Variants in AGO4 observed in about 807,000 individuals in gnomAD.
AGO4 encodes protein argonaute-4.
A neutral mutation model predicts 104.7 loss-of-function variants in AGO4; 33 were observed. The ratio of observed to expected loss-of-function variants is 0.32; its 90% confidence interval spans 0.24 to 0.42. The LOEUF is 0.42. Ranked by LOEUF, AGO4 falls within the 10% of genes least tolerant of loss-of-function variation. The pLI is 1.00. For missense variants in AGO4, 711 were observed against 1,083.4 expected, an observed-to-expected ratio of 0.66 and a Z score of 4.83; for synonymous variants, 331 against 364.7, an observed-to-expected ratio of 0.91 and a Z score of 1.05.
Position 35,857,501 on chromosome 1 carries a change from A to G in AGO4, c.*3896A>G, listed in dbSNP as rs1644840871. ...ATTTTATTAAATTTGGACTGGATGT[A>G]TGTCTCTAGCAATACGAGGTACTTT... On this transcript the variant is annotated 3_prime_UTR_variant, in exon 18 of 18. Transcript: ENST00000373210. 1 of 152,208 alleles carries G rather than the reference A, an allele frequency of 6.6e-6. No homozygotes were observed. Among genetic ancestry groups the G allele is most frequent in the African/African-American group, 2.4e-5 (1 of 41,450 alleles). 9.4% of individuals were successfully genotyped at this position (152,208 alleles called of 1,614,324 possible). A position where few individuals can be genotyped will look rare whatever the true frequency, so the allele number is the denominator to read the frequency against.
At chr1:35,851,337 A>G in intron 17 of AGO4, 1 of 434,124 alleles carries the variant, frequency 2.3e-6, no homozygotes, top group Non-Finnish European at 4.2e-6. Context: ...GGTCCTAAGT[A>G]GCCTCAAAAA....
At position 35,852,158 on chromosome 1, in the gene AGO4, G is replaced by A. The variant is rs745981780; in HGVS notation, c.2477+1105G>A. The stretch of plus-strand genomic sequence containing the variant: ...GAGGATATTAAAGGGGAACAAGCAG[G>A]TATGAGGCTGGAAAAATATGTTAAA... On this transcript the variant is annotated intron_variant, in intron 17 of 17. Transcript: ENST00000373210. Among the ~76,000 whole-genome samples the A allele has an allele frequency of 2.0e-5, 3 of 152,288 alleles. No homozygotes were observed. In the South Asian group the frequency reaches 6.2e-4, roughly 32 times the overall value.
In AGO4 at chr1:35,835,965, A is replaced by G. The variant is rs530304440; in HGVS notation, c.1696A>G (p.Ile566Val). The change falls in exon 13 of 18, where the codon ATT becomes GTT. Residue 566 changes from isoleucine to valine, a missense_variant. Ile to Val is a conservative substitution (Grantham distance 29). Coordinates refer to ENST00000373210, the MANE Select transcript of AGO4 (RefSeq NM_017629.4). ...CLKINAKLGG[I>V]NNVLVPHQRP... ...GAAGATAAATGCAAAACTTGGAGGAATTAACAATGTGCTTGTGCCTCATCA... is the reference window on the plus strand; with the variant it reads ...GAAGATAAATGCAAAACTTGGAGGAGTTAACAATGTGCTTGTGCCTCATCA... The G allele has an allele frequency of 6.2e-7, 1 of 1,614,014 alleles. No homozygotes were observed. Among genetic ancestry groups the G allele is most frequent in the Admixed American group, 1.7e-5 (1 of 60,000 alleles).
chr1:35,822,357 G>A (rs998714094), intron 2 of AGO4, among the ~76,000 whole-genome samples: 1 of 152,118 alleles, frequency 6.6e-6, no homozygotes, highest in African/African-American at 2.4e-5. Context: ...CCAGGTTCAA[G>A]CGATTCACCT....
At chr1:35,833,076 C>G (rs750088028) in intron 11 of AGO4, among the ~76,000 whole-genome samples, 2 of 152,040 alleles carry the variant, frequency 1.3e-5, no homozygotes, top group Admixed American at 1.3e-4. Context: ...GTCAGGAGAT[C>G]GAGATCATCC....
chr1:35,850,472 G>A (rs774668522), intron 16 of AGO4, among the ~76,000 whole-genome samples: 5 of 151,848 alleles, frequency 3.3e-5, no homozygotes, highest in Non-Finnish European at 2.9e-5. Context: ...TTCTCTTCTC[G>A]TGTCATGTCA....
intron 15 of AGO4, among the ~76,000 whole-genome samples, chr1:35,845,614 A>G (rs1179727627): frequency 1.3e-5 from 2 of 152,000 alleles, no homozygotes; most frequent in East Asian, 3.9e-4. Context: ...AGCCCTCTCT[A>G]TAGTGTCATC....
At chr1:35,843,011 T>A (rs1644481922) in intron 15 of AGO4, among the ~76,000 whole-genome samples, 1 of 152,158 alleles carries the variant, frequency 6.6e-6, no homozygotes, top group Non-Finnish European at 1.5e-5. Flanking sequence ...GCCACTCCCA[T>A]TATTTTCAAG....
In AGO4 at chr1:35,850,930, C is replaced by T. The variant is rs760865797; in HGVS notation, c.2354C>T (p.Thr785Ile). 4 of 1,613,948 alleles carry T rather than the reference C, an allele frequency of 2.5e-6. No homozygotes were observed. The highest frequency in any genetic ancestry group is 3.4e-6 in the Non-Finnish European group (4 of 1,180,018). ...ACTGCAGATGAACTCCAGCTACTGA[C>T]TTACCAGCTGTGTCACACCTATGTG... ...CFTADELQLL[T>I]YQLCHTYVRC... The change falls in exon 17 of 18, where the codon ACT becomes ATT. Residue 785 changes from threonine (T) to isoleucine (I), a missense_variant. Thr to Ile is a moderately conservative substitution (Grantham distance 89). Around this residue, in one of 3 missense-constraint regions of AGO4, gnomAD observed 401 missense variants for 665.5 expected, o/e 0.60. Transcript: ENST00000373210.
In AGO4 at chr1:35,813,968, G is replaced by T. The variant is rs377433358; in HGVS notation, c.20-2914G>T. ...CGGGTGCCTGTAATTCCAGCTACTT[G>T]GGAGGCTGAGGCAGGAGAATCTCTT... is the stretch of plus-strand genomic sequence containing the variant. On this transcript the variant is annotated intron_variant, in intron 1 of 17. Coordinates refer to ENST00000373210, the MANE Select transcript of AGO4 (RefSeq NM_017629.4). Among the ~76,000 whole-genome samples the T allele has an allele frequency of 4.8e-4, 73 of 151,620 alleles. No homozygotes were observed. In the East Asian group the frequency reaches 0.013, roughly 28 times the overall value.
intron 2 of AGO4, among the ~76,000 whole-genome samples, chr1:35,818,749 G>C (rs182274045): frequency 9.1e-4 from 138 of 152,150 alleles, no homozygotes; most frequent in Non-Finnish European, 1.5e-3. Flanking sequence ...GTGAGTGAGT[G>C]GGGGAGAGTG....
chr1:35,850,474 G>A (rs1347491194), intron 16 of AGO4, among the ~76,000 whole-genome samples: 1 of 151,970 alleles, frequency 6.6e-6, no homozygotes, highest in Non-Finnish European at 1.5e-5. Flanking sequence ...CTCTTCTCGT[G>A]TCATGTCAGA....
rs748217193 is a variant in AGO4 at position 35,841,024 on chromosome 1, G to A, written c.1725-141G>A. On this transcript the variant is annotated intron_variant, in intron 13 of 17. Transcript: ENST00000373210. This position sits in a 1 kb window ranked among gnomAD's most constrained non-coding sequence, Gnocchi z 4.7. ...GGGTGACATCAATATTCAGTGGTCC[G>A]TAGTGTTCTTTCCCAATGGGCTTAA... is the stretch of plus-strand genomic sequence containing the variant. 35 of 824,652 alleles carry A rather than the reference G, an allele frequency of 4.2e-5. 1 individual carries two copies. The highest frequency in any genetic ancestry group is 5.4e-5 in the East Asian group (2 of 37,344). The allele number at this position is 824,652 out of a possible 1,614,324, so 51.1% of individuals were successfully genotyped here.
At chr1:35,833,879 C>A in intron 11 of AGO4, 111 bp from the exon 12 acceptor site, 2 of 972,748 alleles carry the variant, frequency 2.1e-6, no homozygotes, top group Non-Finnish European at 2.8e-6. Flanking sequence ...TTACTTGTTT[C>A]TAAATTTGGC....
chr1:35,816,727 AG>A (rs1557550335), intron 1 of AGO4, among the ~76,000 whole-genome samples, 154 bp from the exon 2 acceptor site: 1 of 150,062 alleles, frequency 6.7e-6, no homozygotes, highest in Non-Finnish European at 1.5e-5. Context: ...TGGAACTGGA[AG>A]GCAGAGGTTG....
chr1:35,823,540 C>T (rs1420474862), intron 3 of AGO4, among the ~76,000 whole-genome samples: 1 of 152,198 alleles, frequency 6.6e-6, no homozygotes, highest in Non-Finnish European at 1.5e-5. Flanking sequence ...ATTCTCCGGC[C>T]TCAGCTTCCC....
chr1:35,811,789 G>A (rs1021845119), intron 1 of AGO4, among the ~76,000 whole-genome samples: 7 of 151,894 alleles, frequency 4.6e-5, no homozygotes, highest in Admixed American at 2.6e-4. Flanking sequence ...TAGTAGAGAC[G>A]GGGTTTCACC....
chr1:35,850,791 A>AC lies in AGO4; in HGVS notation c.2278-63_2278-62insC, dbSNP rs1571314499. On this transcript the variant is annotated intron_variant, in intron 16 of 17. Transcript: ENST00000373210. ...GTGAGACTCCATCTCAAAAAAAAAAAAAAAAAAACAAAAACAAAAAACGAA... is the reference window on the plus strand; with the variant it reads ...GTGAGACTCCATCTCAAAAAAAAAAACAAAAAAAACAAAAACAAAAAACGAA... 2.2e-5 allele frequency: 22 copies of AC among 1,008,398 alleles called. No individual in the cohort carries two copies. The East Asian group carries it at 5.6e-4, about 26-fold the overall frequency. 62.5% of individuals were successfully genotyped at this position (1,008,398 alleles called of 1,614,324 possible). A position where few individuals can be genotyped will look rare whatever the true frequency, so the allele number is the denominator to read the frequency against.
At chr1:35,809,833 A>G (rs759950536) in intron 1 of AGO4, among the ~76,000 whole-genome samples, 1 of 152,248 alleles carries the variant, frequency 6.6e-6, no homozygotes, top group Non-Finnish European at 1.5e-5. Flanking sequence ...AAATGAGAGT[A>G]TATGATAAGT....
Sources: gnomAD v4.1 joint callset for allele counts (sites outside exome capture counted in the v4.1 genomes callset) on GRCh38, gnomAD v4.1.1 for gene constraint, gnomAD v4.1.1 regional missense constraint, Gnocchi (gnomAD v3.1) non-coding constraint, MANE v1.5 for transcripts, NCBI Gene and HGNC (gene_info 2026-07-23, HGNC 2026-07-21) for gene names.